Variants in LY6S observed in about 807,000 individuals in gnomAD.
The protein encoded by LY6S is lymphocyte antigen 6S.
chr8:143,060,360 T>A, the LY6S span, among the ~76,000 whole-genome samples: 1 of 152,252 alleles, frequency 6.6e-6, no homozygotes, highest in Non-Finnish European at 1.5e-5. Context: ...TGTGCTTCAG[T>A]GGTCACGCTC....
chr8:143,072,634 G>A, the LY6S span, among the ~76,000 whole-genome samples: 12 of 93,658 alleles, frequency 1.3e-4, no homozygotes, highest in East Asian at 5.2e-4. Flanking sequence ...CCTGTTTGAG[G>A]AGACAGCCGT....
the LY6S span, chr8:143,048,119 C>T: frequency 6.6e-6 from 1 of 152,182 alleles, no homozygotes; most frequent in Non-Finnish European, 1.5e-5. Context: ...CTCCAGTTTC[C>T]CTTCCCCGCA....
At chr8:143,070,475 A>ATATATATAATATATATAT in the LY6S span, among the ~76,000 whole-genome samples, 10 of 44,518 alleles carry the variant, frequency 2.2e-4, no homozygotes, top group African/African-American at 7.8e-4. Flanking sequence ...ATATATATAT[A>ATATATATAATATATATAT]AATATATATA....
the LY6S span, among the ~76,000 whole-genome samples, chr8:143,070,476 A>ATATATAT: frequency 1.3e-5 from 1 of 76,942 alleles, no homozygotes; most frequent in Non-Finnish European, 2.1e-5. Context: ...TATATATATA[A>ATATATAT]ATATATATAT....
the LY6S span, among the ~76,000 whole-genome samples, chr8:143,070,198 T>C: frequency 2.6e-5 from 4 of 151,210 alleles, no homozygotes; most frequent in African/African-American, 9.7e-5. Context: ...CCAGGCATGC[T>C]GGACTAGGGC....
the LY6S span, among the ~76,000 whole-genome samples, chr8:143,045,151 G>T: frequency 1.3e-5 from 2 of 152,078 alleles, no homozygotes; most frequent in Non-Finnish European, 2.9e-5. The surrounding 1 kb of genome is among the most constrained non-coding windows in gnomAD (Gnocchi z 5.3). Flanking sequence ...CTCTGCCACC[G>T]GAACACCGAA....
the LY6S span, chr8:143,044,530 G>GGA: frequency 5.1e-6 from 1 of 197,898 alleles, no homozygotes; most frequent in Admixed American, 6.6e-5. Flanking sequence ...TGCCCGCCAT[G>GGA]CCCACCCCAC....
the LY6S span, among the ~76,000 whole-genome samples, chr8:143,048,943 C>T: frequency 3.3e-5 from 5 of 152,138 alleles, no homozygotes; most frequent in Non-Finnish European, 7.3e-5. Flanking sequence ...TGTAATCGGG[C>T]ATCACCAATG....
chr8:143,042,070 T>A, the LY6S span, among the ~76,000 whole-genome samples: 1 of 73,098 alleles, frequency 1.4e-5, no homozygotes, highest in Admixed American at 1.5e-4. Flanking sequence ...GAGACGGCCG[T>A]CCACCCAGGG....
chr8:143,057,807 C>G, the LY6S span: 2 of 773,636 alleles, frequency 2.6e-6, no homozygotes, highest in South Asian at 1.3e-5. Flanking sequence ...AAACCATCAA[C>G]AGCTAGACTG....
At chr8:143,053,722 C>A in the LY6S span, 1 of 152,226 alleles carries the variant, frequency 6.6e-6, no homozygotes. Flanking sequence ...TTACAGCAAT[C>A]ATGCCAGTTC....
the LY6S span, among the ~76,000 whole-genome samples, chr8:143,051,359 G>A: frequency 6.6e-6 from 1 of 152,086 alleles, no homozygotes; most frequent in Non-Finnish European, 1.5e-5. Flanking sequence ...TAGCCAACAT[G>A]GTGAAACCCC....
chr8:143,042,491 G>A, the LY6S span: 8 of 155,048 alleles, frequency 5.2e-5, no homozygotes, highest in East Asian at 1.9e-4. Flanking sequence ...GGGGGCACCC[G>A]TGCCCCAGGA....
the LY6S span, among the ~76,000 whole-genome samples, chr8:143,051,429 T>C: frequency 3.9e-5 from 6 of 151,994 alleles, no homozygotes; most frequent in African/African-American, 1.5e-4. Context: ...TAATCCCAGC[T>C]ACTCGGGAGG....
At chr8:143,043,518 G>T in the LY6S span, among the ~76,000 whole-genome samples, 3 of 152,188 alleles carry the variant, frequency 2.0e-5, no homozygotes, top group Non-Finnish European at 2.9e-5. Context: ...GGGAACCAGG[G>T]TTGTGGCAGA....
the LY6S span, among the ~76,000 whole-genome samples, chr8:143,073,890 A>T: frequency 4.2e-5 from 6 of 142,566 alleles, no homozygotes; most frequent in African/African-American, 1.5e-4. Context: ...TTCCTGTTTG[A>T]GGAGACAGCC....
At chr8:143,068,643 G>C in the LY6S span, among the ~76,000 whole-genome samples, 1 of 152,106 alleles carries the variant, frequency 6.6e-6, no homozygotes, top group Admixed American at 6.6e-5. Context: ...TATCACAACA[G>C]GCAAGAGTCA....
At chr8:143,062,799 G>A in the LY6S span, among the ~76,000 whole-genome samples, 1 of 151,830 alleles carries the variant, frequency 6.6e-6, no homozygotes, top group South Asian at 2.1e-4. Flanking sequence ...TGATCAAAAG[G>A]GTATCAGGAA....
the LY6S span, among the ~76,000 whole-genome samples, chr8:143,051,090 G>T: frequency 2.0e-5 from 3 of 152,228 alleles, no homozygotes; most frequent in Admixed American, 2.0e-4. Context: ...GAGCCTGAGC[G>T]AGTGGCAGCC....
Sources: gnomAD v4.1 joint callset for allele counts (sites outside exome capture counted in the v4.1 genomes callset) on GRCh38, gnomAD v4.1.1 for gene constraint, Gnocchi (gnomAD v3.1) non-coding constraint, MANE v1.5 for transcripts, NCBI Gene and HGNC (gene_info 2026-07-23, HGNC 2026-07-21) for gene names.